RARB: variants seen among roughly 807,000 people sequenced by gnomAD.
The protein encoded by RARB is retinoic acid receptor beta.
In RARB, 17 loss-of-function variants were observed where a neutral mutation model predicts 51.9. That is an observed-to-expected ratio of 0.33 (90% confidence interval 0.22 to 0.49). RARB has a LOEUF of 0.49. Ranked by LOEUF, RARB falls within the 20% of genes least tolerant of loss-of-function variation. The probability of loss-of-function intolerance (pLI) is 0.99; values close to 1 mark genes in which losing one functional copy is unlikely to be tolerated. For synonymous variants in RARB, 215 were observed against 195.4 expected (o/e 1.10, Z -0.84); for missense variants, 369 against 550.8 (o/e 0.67, Z 3.30).
At chr3:24,999,780 C>G (rs988819848) in intron 2 of RARB, among the ~76,000 whole-genome samples, 1 of 152,108 alleles carries the variant, frequency 6.6e-6, no homozygotes, top group African/African-American at 2.4e-5. Flanking sequence ...GGTGGTATCC[C>G]ACTCCCTCAC....
intron 3 of RARB, among the ~76,000 whole-genome samples, chr3:25,092,235 A>G (rs1040308576): frequency 1.3e-5 from 2 of 152,176 alleles, no homozygotes; most frequent in East Asian, 1.9e-4. Flanking sequence ...AAAGTATCCA[A>G]CCGAAAAGGT....
chr3:24,839,104 C>T (rs771761747), intron 1 of RARB, among the ~76,000 whole-genome samples: 1 of 151,944 alleles, frequency 6.6e-6, no homozygotes, highest in East Asian at 1.9e-4. Flanking sequence ...AGAAAATACT[C>T]AATTTAGGAA....
At chr3:24,913,011 C>G (rs144144225) in intron 2 of RARB, among the ~76,000 whole-genome samples, 1 of 70,624 alleles carries the variant, frequency 1.4e-5, no homozygotes, top group South Asian at 4.4e-4. Flanking sequence ...GACAGAGTCT[C>G]GCTCTGTCGC....
At chr3:24,864,879 T>G (rs888498719) in intron 2 of RARB, among the ~76,000 whole-genome samples, 8 of 152,184 alleles carry the variant, frequency 5.3e-5, no homozygotes, top group Non-Finnish European at 1.0e-4. Context: ...ATTTCTAAAG[T>G]TTTTGATTCA....
chr3:25,071,313 A>G (rs1171275840), intron 3 of RARB, among the ~76,000 whole-genome samples: 1 of 152,170 alleles, frequency 6.6e-6, no homozygotes, highest in East Asian at 1.9e-4. Context: ...ATAATCACAA[A>G]CAGTTACTTT....
intron 5 of RARB, among the ~76,000 whole-genome samples, chr3:25,406,846 T>C (rs1247376975): frequency 1.3e-5 from 2 of 152,140 alleles, no homozygotes; most frequent in Non-Finnish European, 2.9e-5. Context: ...TTACATTGCC[T>C]CAACCCAGGG....
chr3:25,095,905 T>C (rs1455126844), intron 3 of RARB, among the ~76,000 whole-genome samples: 1 of 152,172 alleles, frequency 6.6e-6, no homozygotes. Flanking sequence ...TCTCAATGCA[T>C]TTTAAATCTA....
At chr3:24,913,656 C>T (rs1695048363) in intron 2 of RARB, among the ~76,000 whole-genome samples, 1 of 152,120 alleles carries the variant, frequency 6.6e-6, no homozygotes, top group Admixed American at 6.5e-5. Flanking sequence ...AATAAAGTTA[C>T]ATCTTAATGT....
rs2125334059 is a variant in RARB at position 25,597,716 on chromosome 3, G to T, written c.*1100G>T. 2 of 152,678 alleles carry T rather than the reference G, an allele frequency of 1.3e-5. No homozygotes were observed. Among genetic ancestry groups the T allele is most frequent in the South Asian group, 4.2e-4 (2 of 4,818 alleles). The allele number at this position is 152,678 out of a possible 1,614,324, so 9.5% of individuals were successfully genotyped here. A position where few individuals can be genotyped will look rare whatever the true frequency, so the allele number is the denominator to read the frequency against. ...ACTATGAAGCAGAGTGAAAGCTGTG[G>T]TAGAGTGGTTAACAGATACAAGTGT... On this transcript the variant is annotated 3_prime_UTR_variant, in exon 8 of 8. Transcript: ENST00000330688.
intron 5 of RARB, among the ~76,000 whole-genome samples, chr3:25,386,409 G>T (rs1706795307): frequency 1.3e-5 from 2 of 152,140 alleles, no homozygotes; most frequent in Admixed American, 1.3e-4. Flanking sequence ...TGTTCCTGAT[G>T]GTAGGTGGAG....
intron 5 of RARB, among the ~76,000 whole-genome samples, chr3:25,298,093 A>T (rs1282864558): frequency 6.6e-6 from 1 of 152,016 alleles, no homozygotes; most frequent in Non-Finnish European, 1.5e-5. Flanking sequence ...GGTTCAGGGT[A>T]GGGGGAATAG....
intron 5 of RARB, among the ~76,000 whole-genome samples, chr3:25,341,900 C>T (rs1192140921): frequency 1.3e-5 from 2 of 152,176 alleles, no homozygotes; most frequent in African/African-American, 2.4e-5. Flanking sequence ...CTGTAATATC[C>T]TCATTTTACT....
At chr3:25,411,935 T>G (rs1216719692) in intron 5 of RARB, among the ~76,000 whole-genome samples, 1 of 152,018 alleles carries the variant, frequency 6.6e-6, no homozygotes, top group East Asian at 1.9e-4. Flanking sequence ...CAAGGCTAGG[T>G]AGGAAGAGGG....
intron 2 of RARB, among the ~76,000 whole-genome samples, chr3:25,487,698 T>A (rs1696537901): frequency 6.6e-6 from 1 of 152,200 alleles, no homozygotes; most frequent in Admixed American, 6.5e-5. Flanking sequence ...AAATTACACA[T>A]TAATTCAGAA....
intron 2 of RARB, among the ~76,000 whole-genome samples, chr3:25,023,718 G>A (rs1267380754): frequency 6.6e-6 from 1 of 152,182 alleles, no homozygotes; most frequent in African/African-American, 2.4e-5. Context: ...AGCTATGAAA[G>A]GACAGAGTGG....
At chr3:25,241,008 T>G (rs959585375) in intron 5 of RARB, among the ~76,000 whole-genome samples, 5 of 152,192 alleles carry the variant, frequency 3.3e-5, no homozygotes, top group African/African-American at 1.2e-4. Context: ...TCTCATTACT[T>G]CTTGTTGGTC....
intron 2 of RARB, among the ~76,000 whole-genome samples, chr3:24,909,032 A>G (rs568829413): frequency 5.9e-5 from 9 of 152,300 alleles, no homozygotes; most frequent in African/African-American, 2.2e-4. Context: ...TATATAACAC[A>G]TTAGAAATGT....
chr3:25,579,226 T>A (rs1730231), intron 4 of RARB, among the ~76,000 whole-genome samples: 75,104 of 152,042 alleles, frequency 0.49, 19,168 homozygotes, highest in African/African-American at 0.64. Flanking sequence ...TTGCAGTATA[T>A]TTTACATAAT....
chr3:25,496,179 T>C (rs1223536921), intron 2 of RARB, among the ~76,000 whole-genome samples: 1 of 152,230 alleles, frequency 6.6e-6, no homozygotes, highest in East Asian at 1.9e-4. Flanking sequence ...TGACTAACAG[T>C]TGTTAGTCAA....
Sources: gnomAD v4.1 joint callset for allele counts (sites outside exome capture counted in the v4.1 genomes callset) on GRCh38, gnomAD v4.1.1 for gene constraint, MANE v1.5 for transcripts, NCBI Gene and HGNC (gene_info 2026-07-23, HGNC 2026-07-21) for gene names.